The following SIK2 variants were observed in gnomAD, a reference collection of about 807,000 sequenced individuals.
The protein encoded by SIK2 is salt inducible kinase 2.
In SIK2, 29 loss-of-function variants were observed where a neutral mutation model predicts 103.2. The observed-to-expected ratio is 0.28, with a 90% confidence interval of 0.21 to 0.38. SIK2 has a LOEUF of 0.38. SIK2 is among the 10% of genes least tolerant of loss of function. The pLI, the probability that SIK2 is intolerant of heterozygous loss-of-function variation, is 1.00. For missense variants in SIK2, 879 were observed against 1,171.0 expected, an observed-to-expected ratio of 0.75 and a Z score of 3.64; for synonymous variants, 412 against 446.1, an observed-to-expected ratio of 0.92 and a Z score of 0.96.
chr11:111,704,807 G>A (rs1319140540), intron 7 of SIK2, among the ~76,000 whole-genome samples, 180 bp from the exon 8 acceptor site: 1 of 152,128 alleles, frequency 6.6e-6, no homozygotes, highest in Non-Finnish European at 1.5e-5. Context: ...ATTAATACTA[G>A]AGACTTGAAG....
intron 6 of SIK2, among the ~76,000 whole-genome samples, chr11:111,702,922 A>AGTGT (rs1476498852): frequency 7.3e-5 from 1 of 13,644 alleles, no homozygotes; most frequent in African/African-American, 9.2e-5. Flanking sequence ...TGGAAACCAA[A>AGTGT]GTCTGTTTCT....
chr11:111,606,719 C>G (rs565683079), intron 1 of SIK2, among the ~76,000 whole-genome samples: 1 of 151,870 alleles, frequency 6.6e-6, no homozygotes, highest in East Asian at 1.9e-4. Context: ...TGGTAAAGTC[C>G]TAAAAGGAAA....
chr11:111,640,313 G>C (rs1012786998), intron 3 of SIK2, among the ~76,000 whole-genome samples: 14 of 152,168 alleles, frequency 9.2e-5, no homozygotes, highest in African/African-American at 2.9e-4. Context: ...ATGTAGGAGA[G>C]AAAACTAGCT....
chr11:111,623,692 G>A (rs1941924117), intron 3 of SIK2, among the ~76,000 whole-genome samples: 1 of 152,174 alleles, frequency 6.6e-6, no homozygotes, highest in African/African-American at 2.4e-5. Flanking sequence ...CTTTGTGTAA[G>A]CACCAGGCAG....
chr11:111,628,456 TG>T (rs1941995129), intron 3 of SIK2, among the ~76,000 whole-genome samples: 1 of 151,042 alleles, frequency 6.6e-6, no homozygotes, highest in Non-Finnish European at 1.5e-5. Flanking sequence ...CTTTCTTTTT[TG>T]AGACAGGATC....
chr11:111,628,414 A>ATTTCTTTCTTTCTTTCTTTC (rs1565317354), intron 3 of SIK2, among the ~76,000 whole-genome samples: 1 of 46,962 alleles, frequency 2.1e-5, no homozygotes. Context: ...AACCGCTTTC[A>ATTTCTTTCTTTCTTTCTTTC]TATCTTTCTT....
At chr11:111,611,450 T>C (rs1941725457) in intron 1 of SIK2, among the ~76,000 whole-genome samples, 2 of 152,194 alleles carry the variant, frequency 1.3e-5, no homozygotes, top group Non-Finnish European at 2.9e-5. Flanking sequence ...CACTGAACTT[T>C]AGCTGACCAG....
intron 3 of SIK2, among the ~76,000 whole-genome samples, chr11:111,657,397 GT>G (rs1942404923): frequency 6.6e-6 from 1 of 151,848 alleles, no homozygotes; most frequent in Non-Finnish European, 1.5e-5. Flanking sequence ...GTTTTGTTTT[GT>G]TTTGTTTTTG....
chr11:111,678,001 C>A (rs551270299), intron 3 of SIK2, among the ~76,000 whole-genome samples: 7 of 152,152 alleles, frequency 4.6e-5, no homozygotes, highest in African/African-American at 1.4e-4. Context: ...AAGATACAGA[C>A]CCCCTTGTTA....
At chr11:111,700,595 T>G (rs1441427112) in intron 4 of SIK2, among the ~76,000 whole-genome samples, 1 of 152,214 alleles carries the variant, frequency 6.6e-6, no homozygotes, top group African/African-American at 2.4e-5. Context: ...GTTGTCCACT[T>G]TAAGGCTGAT....
intron 3 of SIK2, among the ~76,000 whole-genome samples, chr11:111,652,632 C>A (rs1221139316): frequency 1.3e-5 from 2 of 152,116 alleles, no homozygotes; most frequent in Non-Finnish European, 2.9e-5. Flanking sequence ...AGAAAAGGTG[C>A]TTTTGAAACT....
chr11:111,661,922 A>G (rs929618707), intron 3 of SIK2, among the ~76,000 whole-genome samples: 5 of 152,354 alleles, frequency 3.3e-5, no homozygotes, highest in Admixed American at 6.5e-5. Flanking sequence ...GGGAGCCACA[A>G]TTCAAGATGA....
intron 3 of SIK2, among the ~76,000 whole-genome samples, chr11:111,632,409 G>T (rs924429179): frequency 6.6e-6 from 1 of 152,050 alleles, no homozygotes; most frequent in African/African-American, 2.4e-5. Flanking sequence ...AGGTCATCAA[G>T]GATCATTGCA....
chr11:111,664,602 C>T lies in SIK2; in HGVS notation c.317-23399C>T, dbSNP rs543779097. 1.6e-4 allele frequency among the ~76,000 whole-genome samples: 25 copies of T among 152,210 alleles called. No homozygotes were observed. The South Asian group carries it at 3.9e-3, about 24-fold the overall frequency. ...CTGCACTGCAGCGTGGGCGACAGAG[C>T]GAGACTCCATCTCAAAGAAAAAGAA... On this transcript the variant is annotated intron_variant, in intron 3 of 14. Transcript: ENST00000304987.
chr11:111,603,470 A>C (rs187537576), intron 1 of SIK2, among the ~76,000 whole-genome samples: 2 of 152,122 alleles, frequency 1.3e-5, no homozygotes, highest in African/African-American at 4.8e-5. Flanking sequence ...CGCATTCTTT[A>C]AACCATATCA....
intron 2 of SIK2, among the ~76,000 whole-genome samples, chr11:111,619,217 G>T (rs1330423964): frequency 6.6e-6 from 1 of 152,058 alleles, no homozygotes; most frequent in Non-Finnish European, 1.5e-5. Flanking sequence ...CCAAACTGTA[G>T]GTAGCTTTTA....
At chr11:111,644,146 G>A (rs1276098192) in intron 3 of SIK2, among the ~76,000 whole-genome samples, 8 of 151,308 alleles carry the variant, frequency 5.3e-5, no homozygotes, top group Non-Finnish European at 8.8e-5. Flanking sequence ...AAAATTAGCC[G>A]GGCATGGTGA....
intron 4 of SIK2, 77 bp from the exon 5 acceptor site, chr11:111,700,809 T>C: frequency 6.5e-7 from 1 of 1,549,572 alleles, no homozygotes; most frequent in Non-Finnish European, 8.8e-7. Context: ...ATATAGCATA[T>C]TAGAAAATTT....
chr11:111,697,948 T>C (rs1398822528), intron 4 of SIK2, among the ~76,000 whole-genome samples: 1 of 152,180 alleles, frequency 6.6e-6, no homozygotes, highest in African/African-American at 2.4e-5. Flanking sequence ...AGATGAAGGC[T>C]ACAATGAGCT....
Sources: allele counts gnomAD v4.1 joint callset (sites outside exome capture counted in the v4.1 genomes callset), GRCh38; gene constraint gnomAD v4.1.1; transcripts MANE v1.5; gene names NCBI Gene and HGNC (gene_info 2026-07-23, HGNC 2026-07-21).